Variants in ASAP1 observed in about 807,000 individuals in gnomAD.
ASAP1 encodes the protein ArfGAP with SH3 domain, ankyrin repeat and PH domain 1, also known as arf-GAP with SH3 domain, ANK repeat and PH domain-containing protein 1.
Under a neutral mutation model 145.2 loss-of-function variants are expected in ASAP1, and 43 were observed. The observed-to-expected ratio is 0.30, with a 90% CI of 0.23 to 0.38. The LOEUF (loss-of-function observed/expected upper bound fraction) is 0.38. ASAP1 is among the 10% of genes least tolerant of loss of function. The pLI, the probability that ASAP1 is intolerant of heterozygous loss-of-function variation, is 1.00. For missense variants in ASAP1, 1,018 were observed against 1,355.3 expected (o/e 0.75, Z 3.91); for synonymous variants, 546 against 515.5 (o/e 1.06, Z -0.80).
At chr8:130,379,349 C>T (rs1827657600) in intron 2 of ASAP1, among the ~76,000 whole-genome samples, 1 of 152,176 alleles carries the variant, frequency 6.6e-6, no homozygotes, top group Non-Finnish European at 1.5e-5. Context: ...CTGACGAGAT[C>T]AAGCGTGTTC....
chr8:130,258,711 T>G (rs1430239706), intron 3 of ASAP1, among the ~76,000 whole-genome samples: 1 of 152,196 alleles, frequency 6.6e-6, no homozygotes, highest in African/African-American at 2.4e-5. Flanking sequence ...GCTCAACAAA[T>G]AGTACTTATC....
At chr8:130,282,514 G>A (rs1479407815) in intron 3 of ASAP1, among the ~76,000 whole-genome samples, 1 of 152,066 alleles carries the variant, frequency 6.6e-6, no homozygotes, top group Non-Finnish European at 1.5e-5. Flanking sequence ...CACTCCACGT[G>A]GATACTCATT....
intron 3 of ASAP1, among the ~76,000 whole-genome samples, chr8:130,257,709 A>G (rs867450198): frequency 6.6e-6 from 1 of 152,096 alleles, no homozygotes; most frequent in Non-Finnish European, 1.5e-5. Flanking sequence ...TTAATATACT[A>G]AAATTCATTA....
At chr8:130,203,974 C>T (rs562298958) in intron 5 of ASAP1, among the ~76,000 whole-genome samples, 5 of 152,204 alleles carry the variant, frequency 3.3e-5, no homozygotes, top group Middle Eastern at 6.8e-3. Context: ...TACATTATGT[C>T]CAAAACAGGA....
chr8:130,206,802 C>CT (rs1816253949), intron 5 of ASAP1, among the ~76,000 whole-genome samples: 2 of 151,936 alleles, frequency 1.3e-5, no homozygotes, highest in African/African-American at 4.8e-5. Context: ...CATTGAGAAT[C>CT]TATTTCAATC....
chr8:130,269,995 C>T (rs1445117852), intron 3 of ASAP1, among the ~76,000 whole-genome samples: 1 of 152,098 alleles, frequency 6.6e-6, no homozygotes, highest in East Asian at 1.9e-4. Context: ...CATGGCGAAA[C>T]CTCATCTCTA....
chr8:130,324,483 T>C (rs540923505), intron 3 of ASAP1, among the ~76,000 whole-genome samples: 12 of 152,132 alleles, frequency 7.9e-5, no homozygotes, highest in Non-Finnish European at 1.0e-4. Flanking sequence ...ACCCCTTTGC[T>C]CTACAGAAAA....
intron 1 of ASAP1, among the ~76,000 whole-genome samples, chr8:130,434,269 A>G (rs1386958295): frequency 6.6e-6 from 1 of 152,160 alleles, no homozygotes; most frequent in Admixed American, 6.5e-5. Context: ...TGGGATTGCA[A>G]GGATGCAGTG....
intron 5 of ASAP1, 70 bp from the exon 6 acceptor site, chr8:130,188,253 T>C: frequency 8.1e-7 from 1 of 1,231,116 alleles, no homozygotes; most frequent in South Asian, 1.2e-5. Context: ...AACCAGCTAC[T>C]ATTGACTGAG....
At position 130,226,085 on chromosome 8, in the gene ASAP1, C is replaced by T. The variant is rs565128630; in HGVS notation, c.259+10837G>A. Among the ~76,000 whole-genome samples the T allele has an allele frequency of 5.2e-4, 79 of 151,498 alleles. 1 individual carries two copies. Among genetic ancestry groups the T allele is most frequent in the Non-Finnish European group, 7.1e-4 (48 of 67,856 alleles). ...AAGAGATGGGGCCCTACTATGCTGC[C>T]CAGGCTAGTCTCAAAATCCAGCCCT... is the stretch of plus-strand genomic sequence containing the variant. On this transcript the variant is annotated intron_variant, in intron 4 of 29. Coordinates refer to ENST00000518721, the MANE Select transcript of ASAP1 (RefSeq NM_018482.4).
At chr8:130,403,015 A>G (rs748324544) in intron 1 of ASAP1, among the ~76,000 whole-genome samples, 11 of 152,110 alleles carry the variant, frequency 7.2e-5, no homozygotes, top group Non-Finnish European at 1.5e-4. Flanking sequence ...CAGCCAGTCT[A>G]ATCACATTAA....
At chr8:130,225,351 G>C (rs1430924452) in intron 4 of ASAP1, among the ~76,000 whole-genome samples, 1 of 152,040 alleles carries the variant, frequency 6.6e-6, no homozygotes, top group Non-Finnish European at 1.5e-5. Flanking sequence ...CTAATATTTA[G>C]TATTTTTAAA....
At chr8:130,288,298 G>A (rs1040787258) in intron 3 of ASAP1, among the ~76,000 whole-genome samples, 44 of 150,654 alleles carry the variant, frequency 2.9e-4, no homozygotes, top group Admixed American at 1.3e-3. Context: ...CCTCAATTTG[G>A]GTCCCCAGAA....
chr8:130,376,903 CAAAAAAAAAAA>C lies in ASAP1; in HGVS notation c.60-18771_60-18761del, dbSNP rs34006260. 2.7e-4 allele frequency among the ~76,000 whole-genome samples: 7 copies of C among 26,020 alleles called. No individual in the cohort carries two copies. The East Asian group carries it at 8.6e-3, about 32-fold the overall frequency. 17.1% of individuals were successfully genotyped at this position (26,020 alleles called of 152,430 possible). ...CAGCAACAAGAGCAAAACTCCATCT[CAAAAAAAAAAA>C]AAAAAAAAAAAAAAAAGTCTTGCTC... On this transcript the variant is annotated intron_variant, in intron 2 of 29. Transcript: ENST00000518721.
At chr8:130,077,023 C>T (rs2097463969) in intron 26 of ASAP1, among the ~76,000 whole-genome samples, 1 of 152,326 alleles carries the variant, frequency 6.6e-6, no homozygotes, top group Admixed American at 6.5e-5. Context: ...CACATGATCC[C>T]ACAAAGCAGC....
chr8:130,153,488 A>C (rs2097651883), intron 12 of ASAP1, among the ~76,000 whole-genome samples: 1 of 147,820 alleles, frequency 6.8e-6, no homozygotes. Flanking sequence ...TCCCACCTCA[A>C]CCTCCAGAGT....
At chr8:130,401,291 G>A (rs1415767009) in intron 2 of ASAP1, among the ~76,000 whole-genome samples, 1 of 151,936 alleles carries the variant, frequency 6.6e-6, no homozygotes, top group Non-Finnish European at 1.5e-5. Flanking sequence ...TGTTGCCCAG[G>A]CTGGAGTGCA....
chr8:130,358,328 C>A lies in ASAP1; in HGVS notation c.60-185G>T, dbSNP rs1826477106. 6.7e-6 allele frequency among the ~76,000 whole-genome samples: 1 copy of A among 149,054 alleles called. No individual in the cohort carries two copies. Among genetic ancestry groups the A allele is most frequent in the African/African-American group, 2.4e-5 (1 of 41,012 alleles). On this transcript the variant is annotated intron_variant, in intron 2 of 29. Transcript: ENST00000518721. This position sits in a 1 kb window ranked among gnomAD's most constrained non-coding sequence, Gnocchi z 4.1. ...AGGGAAGGAGGCGGGCGAAGGCAGGCGGCGGCGGCGCTGGCGGGGCTCGGC... is the reference window on the plus strand; with the variant it reads ...AGGGAAGGAGGCGGGCGAAGGCAGGAGGCGGCGGCGCTGGCGGGGCTCGGC...
intron 2 of ASAP1, among the ~76,000 whole-genome samples, chr8:130,391,222 G>A (rs899308904): frequency 2.6e-5 from 4 of 152,146 alleles, no homozygotes; most frequent in Non-Finnish European, 4.4e-5. Flanking sequence ...GATACCTAGA[G>A]TAGTCAAATT....
Sources: allele counts gnomAD v4.1 joint callset (sites outside exome capture counted in the v4.1 genomes callset), GRCh38; gene constraint gnomAD v4.1.1; non-coding constraint Gnocchi (gnomAD v3.1); transcripts MANE v1.5; gene names NCBI Gene and HGNC (gene_info 2026-07-23, HGNC 2026-07-21).